The following PRH1 variants were observed in gnomAD, a reference collection of about 807,000 sequenced individuals.
The protein encoded by PRH1 is salivary acidic proline-rich phosphoprotein 1/2.
A neutral mutation model predicts 7.9 loss-of-function variants in PRH1; 7 were observed. The observed-to-expected ratio is 0.89, with a 90% CI of 0.50 to 1.67. The LOEUF (loss-of-function observed/expected upper bound fraction) is 1.67, where lower values mean the gene tolerates loss of function less well. Ranked by LOEUF, PRH1 falls within the 40% of genes most tolerant of loss-of-function variation. PRH1 has a pLI of 0.00. For synonymous variants in PRH1, 45 were observed against 80.8 expected, an observed-to-expected ratio of 0.56 and a Z score of 2.38; for missense variants, 109 against 223.6, an observed-to-expected ratio of 0.49 and a Z score of 3.27.
chr12:10,949,685 A>G, intron 2 of PRH1, among the ~76,000 whole-genome samples: 1 of 152,190 alleles, frequency 6.6e-6, no homozygotes, highest in South Asian at 2.1e-4. Context: ...CTATTGTCGA[A>G]CATAACATAG....
chr12:11,047,046 C>T (rs1045251794), exon 1 of PRH1: 4 of 508,172 alleles, frequency 7.9e-6, no homozygotes, highest in Non-Finnish European at 1.6e-5. Flanking sequence ...GAGTCTATTC[C>T]CCTCCACATC....
chr12:10,984,411 A>G (rs952499040), intron 1 of PRH1, among the ~76,000 whole-genome samples: 5 of 151,664 alleles, frequency 3.3e-5, no homozygotes, highest in African/African-American at 1.2e-4. Flanking sequence ...GAAAATAAAA[A>G]TTTATGCAAC....
At chr12:11,039,603 T>C (rs1452872424) in intron 1 of PRH1, among the ~76,000 whole-genome samples, 2 of 152,266 alleles carry the variant, frequency 1.3e-5, no homozygotes, top group Admixed American at 6.5e-5. Context: ...TTGGTTTTAT[T>C]ACCTGGTAAA....
rs1344907345 is a variant in PRH1 at position 10,936,783 on chromosome 12, C to A, written c.-59+36872G>T. On this transcript the variant is annotated intron_variant, in intron 2 of 3. Coordinates refer to the PRH1 transcript ENST00000539853. ...GGCCTCACTGTATGGCCTAATTTAA[C>A]CTTAACTACCTACTTAAAAGCCTTA... Among the ~76,000 whole-genome samples, 8 of 152,124 alleles carry A rather than the reference C, an allele frequency of 5.3e-5. No individual in the cohort carries two copies. In the South Asian group the frequency reaches 6.2e-4, roughly 12 times the overall value.
chr12:10,914,550 T>A (rs2135835389), intron 2 of PRH1, among the ~76,000 whole-genome samples: 1 of 152,330 alleles, frequency 6.6e-6, no homozygotes, highest in South Asian at 2.1e-4. Flanking sequence ...TGTGTAGGGT[T>A]GCAGTGGCCT....
chr12:10,980,209 A>G (rs1473313020), intron 1 of PRH1, among the ~76,000 whole-genome samples: 3 of 152,196 alleles, frequency 2.0e-5, no homozygotes, highest in Non-Finnish European at 4.4e-5. Flanking sequence ...TTGATCATGG[A>G]GCAAAAACTT....
intron 1 of PRH1, among the ~76,000 whole-genome samples, chr12:11,009,468 G>A (rs1565545373): frequency 2.0e-5 from 3 of 151,790 alleles, no homozygotes; most frequent in Admixed American, 6.6e-5. Flanking sequence ...CCCAAACATT[G>A]CTTTTGCCCC....
intron 1 of PRH1, among the ~76,000 whole-genome samples, chr12:11,155,923 A>G (rs1947233867): frequency 6.6e-6 from 1 of 152,210 alleles, no homozygotes; most frequent in Non-Finnish European, 1.5e-5. Context: ...AATAATAATT[A>G]AACTAAATTT....
chr12:11,094,521 G>C (rs189865938), intron 1 of PRH1, among the ~76,000 whole-genome samples: 6,070 of 113,166 alleles, frequency 0.054, 1,898 homozygotes, highest in Non-Finnish European at 0.077. Flanking sequence ...CCTGTGAGAT[G>C]GATAATTAAG....
chr12:11,151,749 A>G (rs1178948929), intron 1 of PRH1, among the ~76,000 whole-genome samples: 1 of 152,194 alleles, frequency 6.6e-6, no homozygotes, highest in Non-Finnish European at 1.5e-5. Context: ...AGGGAAAGAA[A>G]GTCTTTCTTT....
intron 1 of PRH1, among the ~76,000 whole-genome samples, chr12:11,112,380 T>C (rs1945614578): frequency 6.6e-6 from 1 of 152,142 alleles, no homozygotes; most frequent in Non-Finnish European, 1.5e-5. Context: ...ATATCCTTGA[T>C]GAACATCGAT....
At chr12:10,916,478 A>C (rs867056012) in intron 2 of PRH1, among the ~76,000 whole-genome samples, 1 of 152,068 alleles carries the variant, frequency 6.6e-6, no homozygotes, top group Non-Finnish European at 1.5e-5. Flanking sequence ...TTCTTCCCCC[A>C]ACTCAGAACA....
At position 11,037,628 on chromosome 12, in the gene PRH1, G is replaced by T. The variant is rs551562179; in HGVS notation, c.-126+9392C>A. ...ATGTGTATCATAAATAATCAAATTG[G>T]AAATAAAAAGTGTCTATCAATAATA... On this transcript the variant is annotated intron_variant, in intron 1 of 3. Coordinates refer to the PRH1 transcript ENST00000539853. 2.0e-5 allele frequency among the ~76,000 whole-genome samples: 3 copies of T among 152,274 alleles called. No homozygotes were observed. In the East Asian group the frequency reaches 5.8e-4, roughly 29 times the overall value.
chr12:11,072,416 C>G (rs1279412484), intron 1 of PRH1, among the ~76,000 whole-genome samples: 1 of 152,198 alleles, frequency 6.6e-6, no homozygotes, highest in Non-Finnish European at 1.5e-5. Context: ...AACATGGCAG[C>G]TGGCAGGACT....
chr12:10,883,879 C>A (rs1252003032), intron 1 of PRH1, among the ~76,000 whole-genome samples: 1 of 152,202 alleles, frequency 6.6e-6, no homozygotes, highest in Non-Finnish European at 1.5e-5. Context: ...GCATTCTCCA[C>A]ATCCTTCACA....
chr12:10,938,163 A>T (rs1950320195), intron 2 of PRH1: 1 of 888,648 alleles, frequency 1.1e-6, no homozygotes, highest in Non-Finnish European at 1.7e-6. Flanking sequence ...TGTAAAATTC[A>T]CAAAGTTATA....
chr12:11,169,805 G>T (rs538486346), intron 1 of PRH1, among the ~76,000 whole-genome samples: 2 of 152,272 alleles, frequency 1.3e-5, no homozygotes, highest in African/African-American at 4.8e-5. Context: ...GTTGTCATAA[G>T]TAATTCCTCT....
At chr12:11,012,138 A>T (rs544066729) in intron 1 of PRH1, among the ~76,000 whole-genome samples, 2 of 152,202 alleles carry the variant, frequency 1.3e-5, no homozygotes, top group African/African-American at 4.8e-5. Context: ...AAGAGCCTAC[A>T]CTTCTCTGTA....
At chr12:10,986,616 A>G (rs74733162) in intron 1 of PRH1, 2 of 1,613,880 alleles carry the variant, frequency 1.2e-6, no homozygotes, top group Admixed American at 3.3e-5. Context: ...ATAAGAAGTA[A>G]TTCTTAATTC....
Sources: gnomAD v4.1 joint callset for allele counts (sites outside exome capture counted in the v4.1 genomes callset) on GRCh38, gnomAD v4.1.1 for gene constraint, MANE v1.5 for transcripts, NCBI Gene and HGNC (gene_info 2026-07-23, HGNC 2026-07-21) for gene names.